RANGAP1: variants seen among roughly 807,000 people sequenced by gnomAD.
RANGAP1 encodes Ran GTPase activating protein 1, also known as ran GTPase-activating protein 1.
In RANGAP1, 38 loss-of-function variants were observed where a neutral mutation model predicts 63.5. The ratio of observed to expected loss-of-function variants is 0.60; its 90% CI spans 0.46 to 0.78. RANGAP1 has a LOEUF of 0.78. Ranked by LOEUF, RANGAP1 falls within the 30% of genes least tolerant of loss-of-function variation. The pLI, the probability that RANGAP1 is intolerant of heterozygous loss-of-function variation, is 0.00. For synonymous variants in RANGAP1, 329 were observed against 310.5 expected, an observed-to-expected ratio of 1.06 and a Z score of -0.63; for missense variants, 630 against 740.3, an observed-to-expected ratio of 0.85 and a Z score of 1.73.
At chr22:41,298,281 G>A in the RANGAP1 span, among the ~76,000 whole-genome samples, 29 of 150,720 alleles carry the variant, frequency 1.9e-4, no homozygotes, top group South Asian at 5.3e-3. Context: ...GATTACAGGC[G>A]TGAGCCACAG....
intron 3 of RANGAP1, among the ~76,000 whole-genome samples, chr22:41,269,120 C>G (rs940839212): frequency 1.3e-5 from 2 of 152,122 alleles, no homozygotes; most frequent in Non-Finnish European, 2.9e-5. Flanking sequence ...CACTCTGTCG[C>G]CTAGGCTGGA....
chr22:41,268,723 G>T (rs186795514), intron 3 of RANGAP1, among the ~76,000 whole-genome samples: 1 of 152,144 alleles, frequency 6.6e-6, no homozygotes, highest in African/African-American at 2.4e-5. Context: ...GACGTGTGAC[G>T]TGGTTATGGA....
At chr22:41,265,391 G>T (rs2090323805) in intron 4 of RANGAP1, among the ~76,000 whole-genome samples, 1 of 152,198 alleles carries the variant, frequency 6.6e-6, no homozygotes, top group Non-Finnish European at 1.5e-5. Flanking sequence ...TGCACAGAAA[G>T]GGGGGCTGGA....
At chr22:41,255,780 A>G (rs1476049293) in intron 10 of RANGAP1, among the ~76,000 whole-genome samples, 1 of 152,048 alleles carries the variant, frequency 6.6e-6, no homozygotes, top group East Asian at 1.9e-4. Flanking sequence ...ACGTTTCTGA[A>G]TAAATACAAG....
At chr22:41,294,238 G>C in the RANGAP1 span, among the ~76,000 whole-genome samples, 1 of 152,244 alleles carries the variant, frequency 6.6e-6, no homozygotes, top group Admixed American at 6.5e-5. Context: ...TTTTTTGGTG[G>C]AGACGGGGTT....
At chr22:41,267,793 G>C (rs1601659392) in intron 4 of RANGAP1, among the ~76,000 whole-genome samples, 1 of 152,240 alleles carries the variant, frequency 6.6e-6, no homozygotes, top group Non-Finnish European at 1.5e-5. Context: ...CAATCATATT[G>C]GGGTGAAATC....
chr22:41,280,834 T>C (rs960337067), intron 2 of RANGAP1, 99 bp downstream of exon 2: 52 of 1,566,262 alleles, frequency 3.3e-5, no homozygotes, highest in Non-Finnish European at 3.7e-5. Flanking sequence ...GGACAAATAA[T>C]GGAGACAATG....
intron 15 of RANGAP1, 100 bp downstream of exon 15, chr22:41,249,220 CCAGCAGGCTG>C: frequency 7.1e-7 from 1 of 1,413,146 alleles, no homozygotes. Context: ...CTGAGTGGGG[CCAGCAGGCTG>C]GCTGGGCTGG....
At chr22:41,296,785 C>A in the RANGAP1 span, among the ~76,000 whole-genome samples, 2 of 152,072 alleles carry the variant, frequency 1.3e-5, no homozygotes, top group Admixed American at 1.3e-4. Context: ...GAGAGACACA[C>A]ACACAAAGTG....
At position 41,245,158 on chromosome 22, in the gene RANGAP1, G is replaced by A. The variant is rs1030363080; in HGVS notation, c.*1445C>T. Among the ~76,000 whole-genome samples, 3 of 152,192 alleles carry A rather than the reference G, an allele frequency of 2.0e-5. No individual in the cohort carries two copies. Among genetic ancestry groups the A allele is most frequent in the Non-Finnish European group, 4.4e-5 (3 of 68,044 alleles). On this transcript the variant is annotated 3_prime_UTR_variant, in exon 16 of 16. Coordinates refer to ENST00000356244, the MANE Select transcript of RANGAP1 (RefSeq NM_002883.4). ...GGCCAGCAGTATCCTCTGCCACCTG[G>A]TCACCTACGTGGCCGACTGCCAATG...
intron 13 of RANGAP1, among the ~76,000 whole-genome samples, 167 bp from the exon 14 acceptor site, chr22:41,249,984 G>A (rs946403504): frequency 4.6e-5 from 7 of 152,240 alleles, no homozygotes; most frequent in Non-Finnish European, 1.0e-4. Flanking sequence ...CAGAGGGAGT[G>A]GCAGTTGGCA....
intron 2 of RANGAP1, among the ~76,000 whole-genome samples, chr22:41,280,228 A>C (rs2035419341): frequency 1.3e-5 from 2 of 152,216 alleles, no homozygotes; most frequent in African/African-American, 4.8e-5. Context: ...GAGGAGAACA[A>C]GGCTGCCTAC....
At position 41,256,078 on chromosome 22, in the gene RANGAP1, T is replaced by C; in HGVS notation, c.1016A>G (p.Glu339Gly). The C allele has an allele frequency of 1.2e-6, 2 of 1,614,090 alleles. No individual in the cohort carries two copies. Among genetic ancestry groups the C allele is most frequent in the Non-Finnish European group, 1.7e-6 (2 of 1,180,024 alleles). ...GCCCTCCAGCACCTCCTGAAGCTGT[T>C]CACAGCCTTCTTCTCCCAGGGTGTT... Reference protein sequence around the residue: ...NGNTLGEEGCEQLQEVLEGFN... With the variant: ...NGNTLGEEGCGQLQEVLEGFN... The change falls in exon 10 of 16, where the codon GAA becomes GGA. Residue 339 changes from glutamate to glycine, a missense_variant. By Grantham distance (98) the Glu-to-Gly change is moderately conservative. Transcript: ENST00000356244.
In RANGAP1 at chr22:41,252,946, T is replaced by C. The variant is rs1370278236; in HGVS notation, c.1306A>G (p.Thr436Ala). 2.6e-6 allele frequency: 4 copies of C among 1,547,836 alleles called. No homozygotes were observed. The highest frequency in any genetic ancestry group is 3.5e-6 in the Non-Finnish European group (4 of 1,149,782). Residue 436 changes from threonine to alanine, a missense_variant, in exon 12 of 16, where the codon ACC becomes GCC. Coordinates refer to ENST00000356244, the MANE Select transcript of RANGAP1 (RefSeq NM_002883.4). ...TCTGGAGAGGGAAAAGCCAGGAAGG[T>C]GGAGACGTCTGCAGGAGGTGGGGAG... The part of the protein sequence containing the change: ...LSSPPPADVS[T>A]FLAFPSPEKL...
At chr22:41,275,744 A>C (rs962181842) in intron 2 of RANGAP1, among the ~76,000 whole-genome samples, 105 of 151,090 alleles carry the variant, frequency 6.9e-4, no homozygotes, top group African/African-American at 2.5e-3. Context: ...ACACCACTAC[A>C]CTCTAGCCTG....
chr22:41,280,406 T>C (rs1601714964), intron 2 of RANGAP1, among the ~76,000 whole-genome samples: 1 of 152,188 alleles, frequency 6.6e-6, no homozygotes, highest in Admixed American at 6.6e-5. Flanking sequence ...TGCTCTCTGG[T>C]TCCTAGTTTT....
intron 5 of RANGAP1, among the ~76,000 whole-genome samples, chr22:41,264,115 TG>T (rs2034325765): frequency 6.6e-6 from 1 of 152,192 alleles, no homozygotes; most frequent in Non-Finnish European, 1.5e-5. Context: ...CTAAAGGCAC[TG>T]GGATGGAGTT....
intron 2 of RANGAP1, among the ~76,000 whole-genome samples, chr22:41,277,755 T>C (rs990954286): frequency 1.3e-5 from 2 of 152,200 alleles, no homozygotes; most frequent in African/African-American, 4.8e-5. Flanking sequence ...CAGCCAAGCC[T>C]TGGCAAGGGA....
intron 2 of RANGAP1, among the ~76,000 whole-genome samples, chr22:41,276,390 C>G (rs946498367): frequency 4.6e-5 from 7 of 152,308 alleles, no homozygotes; most frequent in African/African-American, 1.7e-4. Flanking sequence ...GTAATCCCAG[C>G]ACTTTGGGAG....
Sources: gnomAD v4.1 joint callset for allele counts (sites outside exome capture counted in the v4.1 genomes callset) on GRCh38, gnomAD v4.1.1 for gene constraint, MANE v1.5 for transcripts, NCBI Gene and HGNC (gene_info 2026-07-23, HGNC 2026-07-21) for gene names.